Variants in PKIA observed in about 807,000 individuals in gnomAD.
The protein encoded by PKIA is cAMP-dependent protein kinase inhibitor alpha.
Under a neutral mutation model 7.6 loss-of-function variants are expected in PKIA, and 4 were observed. The ratio of observed to expected loss-of-function variants is 0.52; its 90% CI spans 0.26 to 1.20. The LOEUF is 1.20. PKIA is among the 50% of genes most tolerant of loss of function. The probability of loss-of-function intolerance (pLI) is 0.13; values close to 1 mark genes in which losing one functional copy is unlikely to be tolerated. For missense variants in PKIA, 73 were observed against 86.2 expected (o/e 0.85, Z 0.61); for synonymous variants, 21 against 30.7 (o/e 0.68, Z 1.04).
chr8:78,576,944 A>G (rs1807688282), intron 2 of PKIA, among the ~76,000 whole-genome samples: 1 of 152,046 alleles, frequency 6.6e-6, no homozygotes, highest in Admixed American at 6.6e-5. Context: ...ATGCCCATCA[A>G]TGATAGACTG....
intron 1 of PKIA, among the ~76,000 whole-genome samples, chr8:78,548,487 G>A (rs901417747): frequency 3.3e-5 from 5 of 152,110 alleles, no homozygotes; most frequent in African/African-American, 7.2e-5. Context: ...ATTTGTTTTG[G>A]ATTCCGGAAA....
At chr8:78,592,315 A>G (rs1007026982) in intron 2 of PKIA, among the ~76,000 whole-genome samples, 1 of 152,100 alleles carries the variant, frequency 6.6e-6, no homozygotes, top group African/African-American at 2.4e-5. Context: ...CTTTTATTGG[A>G]AAATAGATCT....
intron 2 of PKIA, among the ~76,000 whole-genome samples, chr8:78,581,466 G>T (rs1256257523): frequency 6.6e-6 from 1 of 152,038 alleles, no homozygotes; most frequent in Admixed American, 6.6e-5. Context: ...AGACTGGGTG[G>T]CACCTTTTAA....
chr8:78,540,818 T>G (rs1806668058), intron 1 of PKIA, among the ~76,000 whole-genome samples: 1 of 151,942 alleles, frequency 6.6e-6, no homozygotes, highest in Admixed American at 6.6e-5. Flanking sequence ...ATTATTACAT[T>G]TTATAATTAT....
intron 2 of PKIA, among the ~76,000 whole-genome samples, chr8:78,581,844 A>G (rs1016402790): frequency 5.9e-5 from 9 of 152,114 alleles, no homozygotes; most frequent in Admixed American, 5.2e-4. Flanking sequence ...ATAGTAATGT[A>G]TCAGTGCTAA....
chr8:78,517,456 A>G (rs1203461533), intron 1 of PKIA, among the ~76,000 whole-genome samples: 1 of 152,208 alleles, frequency 6.6e-6, no homozygotes, highest in African/African-American at 2.4e-5. Flanking sequence ...AAGCAATTTT[A>G]GTCCAGTTGG....
At chr8:78,553,298 G>A (rs192414416) in intron 1 of PKIA, among the ~76,000 whole-genome samples, 10 of 152,000 alleles carry the variant, frequency 6.6e-5, no homozygotes, top group Admixed American at 6.6e-4. Context: ...TCAGGGTCCC[G>A]TCTGTGGAGG....
At chr8:78,537,547 A>T (rs1045612350) in intron 1 of PKIA, among the ~76,000 whole-genome samples, 1 of 151,954 alleles carries the variant, frequency 6.6e-6, no homozygotes, top group Non-Finnish European at 1.5e-5. Flanking sequence ...GCGATAACCG[A>T]TATATTTTTG....
intron 1 of PKIA, among the ~76,000 whole-genome samples, chr8:78,518,310 G>T (rs548143721): frequency 6.6e-6 from 1 of 152,150 alleles, no homozygotes; most frequent in East Asian, 1.9e-4. Context: ...ACAGGGTTTT[G>T]GTTTGAAATA....
chr8:78,566,308 G>T (rs1019030496), intron 1 of PKIA, among the ~76,000 whole-genome samples: 1 of 152,018 alleles, frequency 6.6e-6, no homozygotes, highest in Non-Finnish European at 1.5e-5. Flanking sequence ...TGTCTTTGTT[G>T]GCTGTTAAAA....
At chr8:78,597,538 C>G (rs1268696154) in intron 2 of PKIA, among the ~76,000 whole-genome samples, 2 of 152,114 alleles carry the variant, frequency 1.3e-5, no homozygotes, top group Non-Finnish European at 2.9e-5. Flanking sequence ...ACAGACAATG[C>G]TCTCACTTAG....
chr8:78,585,624 G>A (rs1807933769), intron 2 of PKIA, among the ~76,000 whole-genome samples: 1 of 152,090 alleles, frequency 6.6e-6, no homozygotes, highest in Non-Finnish European at 1.5e-5. Flanking sequence ...ATTATAAATT[G>A]GCAGTGATTA....
At chr8:78,536,304 C>CA (rs1806519927) in intron 1 of PKIA, among the ~76,000 whole-genome samples, 1 of 151,876 alleles carries the variant, frequency 6.6e-6, no homozygotes, top group Non-Finnish European at 1.5e-5. Flanking sequence ...CAATTCCAAA[C>CA]AAAAATGATA....
intron 2 of PKIA, among the ~76,000 whole-genome samples, chr8:78,580,655 G>C (rs114674971): frequency 0.011 from 1,705 of 152,122 alleles, 32 homozygotes; most frequent in African/African-American, 0.039. Flanking sequence ...TATAGTCTGT[G>C]CTAGGTGGGG....
At chr8:78,562,750 G>A (rs1401286459) in intron 1 of PKIA, among the ~76,000 whole-genome samples, 3 of 151,886 alleles carry the variant, frequency 2.0e-5, no homozygotes, top group Non-Finnish European at 4.4e-5. Context: ...GTTTACTTAT[G>A]TACTCTACCA....
intron 1 of PKIA, among the ~76,000 whole-genome samples, chr8:78,525,838 T>G (rs1809533450): frequency 6.6e-6 from 1 of 152,032 alleles, no homozygotes; most frequent in African/African-American, 2.4e-5. Context: ...CTACCACTTA[T>G]GTCTAGATCA....
chr8:78,538,351 T>G (rs1806589459), intron 1 of PKIA, among the ~76,000 whole-genome samples: 1 of 152,072 alleles, frequency 6.6e-6, no homozygotes, highest in African/African-American at 2.4e-5. Context: ...ATAGTTATCC[T>G]GGGGAAATAT....
chr8:78,527,386 GTATC>G (rs1806270950), intron 1 of PKIA, among the ~76,000 whole-genome samples: 1 of 151,828 alleles, frequency 6.6e-6, no homozygotes. Context: ...ATGTATATGT[GTATC>G]TATGTATGTA....
intron 1 of PKIA, among the ~76,000 whole-genome samples, chr8:78,571,441 C>A (rs1427362418): frequency 2.6e-5 from 4 of 152,208 alleles, no homozygotes; most frequent in African/African-American, 9.6e-5. Flanking sequence ...CCTGCAAATA[C>A]CTCTTTAGGG....
Sources: gnomAD v4.1 joint callset for allele counts (sites outside exome capture counted in the v4.1 genomes callset) on GRCh38, gnomAD v4.1.1 for gene constraint, MANE v1.5 for transcripts, NCBI Gene and HGNC (gene_info 2026-07-23, HGNC 2026-07-21) for gene names.